PDSS2: variants seen among roughly 807,000 people sequenced by gnomAD.
The protein encoded by PDSS2 is decaprenyl diphosphate synthase subunit 2, also known as all trans-polyprenyl-diphosphate synthase PDSS2.
Under a neutral mutation model 44.5 loss-of-function variants are expected in PDSS2, and 31 were observed. The ratio of observed to expected loss-of-function variants is 0.70; its 90% CI spans 0.52 to 0.94. The LOEUF (loss-of-function observed/expected upper bound fraction) is 0.94. PDSS2 is among the 40% of genes least tolerant of loss of function. The pLI is 0.00. For missense variants in PDSS2, 452 were observed against 482.2 expected (o/e 0.94, Z 0.59); for synonymous variants, 157 against 180.3 (o/e 0.87, Z 1.03).
At chr6:107,203,927 G>T (rs1772879437) in intron 6 of PDSS2, among the ~76,000 whole-genome samples, 1 of 151,250 alleles carries the variant, frequency 6.6e-6, no homozygotes, top group South Asian at 2.1e-4. Context: ...TTTTGCATCT[G>T]GCTTCTTTCA....
intron 1 of PDSS2, among the ~76,000 whole-genome samples, chr6:107,400,476 G>A (rs1318049393): frequency 6.6e-6 from 1 of 152,158 alleles, no homozygotes; most frequent in African/African-American, 2.4e-5. Flanking sequence ...TGTGGCCTGG[G>A]GGCCGCAGTT....
Position 107,337,067 on chromosome 6 carries a change from ACACACACACAAAT to A in PDSS2, c.297-2748_297-2736del, listed in dbSNP as rs1026882692. Among the ~76,000 whole-genome samples, 6 of 151,682 alleles carry A rather than the reference ACACACACACAAAT, an allele frequency of 4.0e-5. No individual in the cohort carries two copies. In the South Asian group the frequency reaches 6.3e-4, roughly 16 times the overall value. ...CACACACACACACACACACACACAC[ACACACACACAAAT>A]AATAATAATAGCAGCAGCAAACACT... On this transcript the variant is annotated intron_variant, in intron 1 of 7. Coordinates refer to ENST00000369037, the MANE Select transcript of PDSS2 (RefSeq NM_020381.4).
chr6:107,295,895 T>C (rs1018717281), intron 2 of PDSS2, among the ~76,000 whole-genome samples: 2 of 152,110 alleles, frequency 1.3e-5, no homozygotes, highest in Non-Finnish European at 2.9e-5. Flanking sequence ...TTTTGGTAAA[T>C]AGTCTGATGT....
At chr6:107,447,150 G>T (rs557842846) in intron 1 of PDSS2, among the ~76,000 whole-genome samples, 2 of 151,960 alleles carry the variant, frequency 1.3e-5, no homozygotes, top group Non-Finnish European at 2.9e-5. Context: ...TGGCTAACAC[G>T]GTGAAACCCC....
chr6:107,404,689 G>A (rs947862241), intron 1 of PDSS2, among the ~76,000 whole-genome samples: 4 of 152,144 alleles, frequency 2.6e-5, no homozygotes, highest in Non-Finnish European at 5.9e-5. Flanking sequence ...ACAGCATGGA[G>A]GTAACCGCCC....
intron 1 of PDSS2, among the ~76,000 whole-genome samples, chr6:107,357,031 G>T (rs1778615101): frequency 6.6e-6 from 1 of 152,068 alleles, no homozygotes; most frequent in South Asian, 2.1e-4. Flanking sequence ...TCACTCTAAT[G>T]CATTTTGGAA....
intron 1 of PDSS2, among the ~76,000 whole-genome samples, chr6:107,336,510 TAC>T (rs2115260323): frequency 6.6e-6 from 1 of 152,218 alleles, no homozygotes; most frequent in East Asian, 1.9e-4. Context: ...GTTAAAGTAA[TAC>T]AGTTACATCA....
intron 4 of PDSS2, among the ~76,000 whole-genome samples, chr6:107,227,639 T>C (rs1452099684): frequency 3.3e-5 from 5 of 152,072 alleles, no homozygotes; most frequent in Admixed American, 6.6e-5. Context: ...CTCTGCTCCC[T>C]CCCAGTTATG....
At chr6:107,188,947 G>A (rs1333042626) in intron 7 of PDSS2, among the ~76,000 whole-genome samples, 4 of 152,038 alleles carry the variant, frequency 2.6e-5, no homozygotes, top group African/African-American at 7.2e-5. Context: ...TCTCACTCCC[G>A]TTGCCCAGGC....
intron 1 of PDSS2, among the ~76,000 whole-genome samples, chr6:107,397,383 A>C (rs1394284555): frequency 6.6e-6 from 1 of 152,214 alleles, no homozygotes; most frequent in Non-Finnish European, 1.5e-5. Context: ...ATATACCCAC[A>C]GTAAGAAAAA....
At chr6:107,207,765 A>G (rs1315472766) in intron 6 of PDSS2, among the ~76,000 whole-genome samples, 1 of 151,824 alleles carries the variant, frequency 6.6e-6, no homozygotes, top group East Asian at 2.0e-4. Context: ...CCGGGCCACC[A>G]TGCCTGGCTA....
At chr6:107,407,675 C>T (rs1780362709) in intron 1 of PDSS2, among the ~76,000 whole-genome samples, 1 of 152,130 alleles carries the variant, frequency 6.6e-6, no homozygotes, top group Non-Finnish European at 1.5e-5. Flanking sequence ...AACACAAATC[C>T]TGATTGAGTA....
chr6:107,403,809 G>A lies in PDSS2; in HGVS notation c.296+55181C>T, dbSNP rs555467751. ...ACACAGCAGGGGAGCCCTGGACCAGGCTCAAGAAACCATTTTTCCCTCCTA... is the reference window on the plus strand; with the variant it reads ...ACACAGCAGGGGAGCCCTGGACCAGACTCAAGAAACCATTTTTCCCTCCTA... On this transcript the variant is annotated intron_variant, in intron 1 of 7. Coordinates refer to ENST00000369037, the MANE Select transcript of PDSS2 (RefSeq NM_020381.4). 2.3e-3 allele frequency among the ~76,000 whole-genome samples: 356 copies of A among 152,266 alleles called. 1 individual carries two copies. Among genetic ancestry groups the A allele is most frequent in the Non-Finnish European group, 2.0e-3 (138 of 68,022 alleles).
Position 107,332,402 on chromosome 6 carries a change from G to A in PDSS2, c.431+1796C>T, listed in dbSNP as rs183275620. Among the ~76,000 whole-genome samples the A allele has an allele frequency of 3.6e-3, 549 of 152,122 alleles. 5 individuals are homozygous for A. Among genetic ancestry groups the A allele is most frequent in the Middle Eastern group, 0.014 (4 of 294 alleles). On this transcript the variant is annotated intron_variant, in intron 2 of 7. Transcript: ENST00000369037. ...ATTATGGGCATCAGCCATCACACCT[G>A]GCCTGTAAGGTAAACTTTTGAGCTC...
chr6:107,417,585 C>G (rs1011495963), intron 1 of PDSS2, among the ~76,000 whole-genome samples: 1 of 152,026 alleles, frequency 6.6e-6, no homozygotes, highest in African/African-American at 2.4e-5. Flanking sequence ...ATGGTGAAAC[C>G]CCATCTCTAC....
intron 4 of PDSS2, among the ~76,000 whole-genome samples, chr6:107,242,320 G>C (rs1774463144): frequency 6.6e-6 from 1 of 152,086 alleles, no homozygotes; most frequent in South Asian, 2.1e-4. Flanking sequence ...CTGGAGTGCA[G>C]TGGCGCGATC....
intron 2 of PDSS2, among the ~76,000 whole-genome samples, chr6:107,328,439 C>G (rs1402164117): frequency 6.6e-6 from 1 of 152,060 alleles, no homozygotes. Flanking sequence ...GTTTTCTTTT[C>G]TTTTCTTTTT....
At chr6:107,448,199 T>C (rs1039066915) in intron 1 of PDSS2, among the ~76,000 whole-genome samples, 3 of 152,212 alleles carry the variant, frequency 2.0e-5, no homozygotes, top group Non-Finnish European at 4.4e-5. Context: ...ATTTTCCCCA[T>C]TGTCTTGGCA....
At chr6:107,221,070 C>T (rs147438926) in intron 4 of PDSS2, among the ~76,000 whole-genome samples, 1 of 152,136 alleles carries the variant, frequency 6.6e-6, no homozygotes, top group African/African-American at 2.4e-5. Flanking sequence ...AGGACGGGCG[C>T]GGTGGCTCAC....
Sources: allele counts gnomAD v4.1 joint callset (sites outside exome capture counted in the v4.1 genomes callset), GRCh38; gene constraint gnomAD v4.1.1; transcripts MANE v1.5; gene names NCBI Gene and HGNC (gene_info 2026-07-23, HGNC 2026-07-21).